The following CAMTA1 variants were observed in gnomAD, a reference collection of about 807,000 sequenced individuals.
The protein encoded by CAMTA1 is calmodulin-binding transcription activator 1.
In CAMTA1, 27 loss-of-function variants were observed where a neutral mutation model predicts 170.9. The observed-to-expected ratio is 0.16, with a 90% CI of 0.12 to 0.22. The LOEUF (loss-of-function observed/expected upper bound fraction) is 0.22, where lower values mean the gene tolerates loss of function less well. Among genes scored for constraint, CAMTA1 ranks in the 10% least tolerant of loss-of-function variants. The pLI is 1.00. For missense variants in CAMTA1, 1,619 were observed against 2,217.2 expected (o/e 0.73, Z 5.42); for synonymous variants, 833 against 891.5 (o/e 0.93, Z 1.17).
At chr1:7,016,117 AC>A (rs199689274) in intron 3 of CAMTA1, among the ~76,000 whole-genome samples, 18 of 142,768 alleles carry the variant, frequency 1.3e-4, no homozygotes, top group Non-Finnish European at 2.2e-4. Flanking sequence ...CCCCATCCTA[AC>A]CCCCCGAAAT....
rs116846827 is a variant in CAMTA1, at chr1:7,458,598, A to T, written c.439-9232A>T. 5.8e-4 allele frequency among the ~76,000 whole-genome samples: 89 copies of T among 152,274 alleles called. No individual in the cohort carries two copies. The East Asian group carries it at 0.013, about 23-fold the overall frequency. On this transcript the variant is annotated intron_variant, in intron 5 of 22. Transcript: ENST00000303635. ...CCAGAGGAGTCCCCCAAGAAAGTGC[A>T]GTGTTAAGGGGCTGTTTTCAGGAGA...
At chr1:6,897,646 G>A (rs1675930228) in intron 3 of CAMTA1, among the ~76,000 whole-genome samples, 1 of 152,134 alleles carries the variant, frequency 6.6e-6, no homozygotes, top group Non-Finnish European at 1.5e-5. Flanking sequence ...AGATTAATTA[G>A]AAGTTAGTGT....
intron 3 of CAMTA1, among the ~76,000 whole-genome samples, chr1:6,929,997 A>C (rs1451115217): frequency 9.9e-5 from 15 of 152,122 alleles, no homozygotes; most frequent in Admixed American, 9.2e-4. Context: ...TTTGTCCCCT[A>C]CACCAGGCTG....
At chr1:7,207,121 T>G (rs910899573) in intron 4 of CAMTA1, among the ~76,000 whole-genome samples, 1 of 152,234 alleles carries the variant, frequency 6.6e-6, no homozygotes. Flanking sequence ...CTGACTTACT[T>G]GCATTATATC....
At chr1:7,515,389 G>T (rs1032789105) in intron 6 of CAMTA1, among the ~76,000 whole-genome samples, 1 of 152,198 alleles carries the variant, frequency 6.6e-6, no homozygotes, top group South Asian at 2.1e-4. Context: ...TCCTGTCCGG[G>T]CTCTGCCTCT....
chr1:7,391,006 G>T (rs957924929), intron 5 of CAMTA1, among the ~76,000 whole-genome samples: 1 of 146,950 alleles, frequency 6.8e-6, no homozygotes, highest in African/African-American at 2.5e-5. Flanking sequence ...CTGGGTTGTT[G>T]TTTTTTTTTT....
In CAMTA1 at chr1:7,570,717, AC is replaced by A. The variant is rs1377684594; in HGVS notation, c.511-69679del. The stretch of plus-strand genomic sequence containing the variant: ...TGTGTCAGCACAGACCCTGCCTGGG[AC>A]CCCTGCTTCCCCAGGTGGGTTTGAA... On this transcript the variant is annotated intron_variant, in intron 6 of 22. Transcript: ENST00000303635. This position sits in a 1 kb window ranked among gnomAD's most constrained non-coding sequence, Gnocchi z 4.3. 6.6e-6 allele frequency among the ~76,000 whole-genome samples: 1 copy of A among 152,120 alleles called. No homozygotes were observed. Among genetic ancestry groups the A allele is most frequent in the Non-Finnish European group, 1.5e-5 (1 of 68,024 alleles).
Position 7,091,369 on chromosome 1 carries a change from A to G in CAMTA1, c.300A>G (p.Thr100=). 6.2e-7 allele frequency: 1 copy of G among 1,609,586 alleles called. No individual in the cohort carries two copies. Among genetic ancestry groups the G allele is most frequent in the Non-Finnish European group, 8.5e-7 (1 of 1,175,856 alleles). The part of the protein sequence containing the change: ...HEEWLTTSPK[T]RPQNGSMILY... ...AATGGCTAACCACCTCCCCTAAGACAAGGTAATGTCCCAGATCTTGCAGTT... is the reference window on the plus strand; with the variant it reads ...AATGGCTAACCACCTCCCCTAAGACGAGGTAATGTCCCAGATCTTGCAGTT... Residue 100 remains threonine, a splice_region_variant and synonymous_variant, in exon 4 of 23, where the codon ACA becomes ACG. Transcript: ENST00000303635.
rs571103495 is a variant in CAMTA1, at chr1:7,606,070, T to C, written c.511-34330T>C. Among the ~76,000 whole-genome samples the C allele has an allele frequency of 2.0e-5, 3 of 152,302 alleles. No homozygotes were observed. In the East Asian group the frequency reaches 5.8e-4, roughly 29 times the overall value. Reference sequence around the variant, plus strand: ...AGTCATGTGATCCAATCAAGGCCCCTGAGCAGAGAATAAAGAGGTCACTCT... The same window carrying C: ...AGTCATGTGATCCAATCAAGGCCCCCGAGCAGAGAATAAAGAGGTCACTCT... On this transcript the variant is annotated intron_variant, in intron 6 of 22. Transcript: ENST00000303635.
At chr1:7,382,689 C>T (rs1041130137) in intron 5 of CAMTA1, 19 of 152,322 alleles carry the variant, frequency 1.2e-4, no homozygotes, top group African/African-American at 3.1e-4. Context: ...TGAAATGCGG[C>T]GCTCTTTCAT....
At chr1:7,437,410 T>C (rs537170623) in intron 5 of CAMTA1, among the ~76,000 whole-genome samples, 6 of 152,310 alleles carry the variant, frequency 3.9e-5, no homozygotes, top group African/African-American at 1.4e-4. Flanking sequence ...GTCCCTGGGC[T>C]GGGAGAAGCC....
intron 4 of CAMTA1, among the ~76,000 whole-genome samples, chr1:7,100,425 T>C (rs1344369945): frequency 6.6e-6 from 1 of 152,138 alleles, no homozygotes; most frequent in Non-Finnish European, 1.5e-5. Context: ...TGGGACCCAC[T>C]CCCCTTGTTT....
intron 5 of CAMTA1, among the ~76,000 whole-genome samples, chr1:7,310,694 CTCTCTCTCTTTCTTTCTTTCTTTCTT>C (rs1676512204): frequency 2.1e-5 from 1 of 47,126 alleles, no homozygotes; most frequent in African/African-American, 1.2e-4. Context: ...CTCTCTCTCT[CTCTCTCTCTTTCTTTCTTTCTTTCTT>C]TCTTTCTTTC....
At chr1:7,105,189 G>A (rs1643452691) in intron 4 of CAMTA1, among the ~76,000 whole-genome samples, 1 of 152,146 alleles carries the variant, frequency 6.6e-6, no homozygotes, top group South Asian at 2.1e-4. Context: ...AAAATGGGAT[G>A]ATAAATATTC....
At chr1:7,162,823 A>G (rs1573567285) in intron 4 of CAMTA1, among the ~76,000 whole-genome samples, 1 of 152,102 alleles carries the variant, frequency 6.6e-6, no homozygotes, top group African/African-American at 2.4e-5. Context: ...GGGTATAGAC[A>G]TAGGGGTGGA....
chr1:7,699,559 A>G (rs2096415769), intron 11 of CAMTA1, among the ~76,000 whole-genome samples: 1 of 152,176 alleles, frequency 6.6e-6, no homozygotes, highest in Admixed American at 6.5e-5. Context: ...GGGTCACATC[A>G]TAACTTTATA....
intron 4 of CAMTA1, among the ~76,000 whole-genome samples, chr1:7,118,509 A>T (rs1161617070): frequency 6.6e-6 from 1 of 151,604 alleles, no homozygotes; most frequent in African/African-American, 2.4e-5. Flanking sequence ...TGTGTTCCCC[A>T]GGCTGTTGGC....
chr1:6,903,963 A>G (rs528588729), intron 3 of CAMTA1, among the ~76,000 whole-genome samples: 1 of 152,280 alleles, frequency 6.6e-6, no homozygotes, highest in African/African-American at 2.4e-5. Flanking sequence ...TCTGTTGACG[A>G]TTCCCAAATT....
At chr1:7,194,745 C>T (rs897287747) in intron 4 of CAMTA1, among the ~76,000 whole-genome samples, 2 of 152,136 alleles carry the variant, frequency 1.3e-5, no homozygotes, top group African/African-American at 4.8e-5. Context: ...AGGAGAGGGC[C>T]GTGCAGTCCC....
Sources: allele counts gnomAD v4.1 joint callset (sites outside exome capture counted in the v4.1 genomes callset), GRCh38; gene constraint gnomAD v4.1.1; non-coding constraint Gnocchi (gnomAD v3.1); transcripts MANE v1.5; gene names NCBI Gene and HGNC (gene_info 2026-07-23, HGNC 2026-07-21).